Variants in CCR2 observed in about 807,000 individuals in gnomAD.
CCR2 encodes C-C chemokine receptor type 2.
For synonymous variants in CCR2, 183 were observed against 177.1 expected, an observed-to-expected ratio of 1.03 and a Z score of -0.27; for missense variants, 408 against 440.0, an observed-to-expected ratio of 0.93 and a Z score of 0.65.
Position 46,358,215 on chromosome 3 carries a change from C to A in CCR2, c.688C>A (p.Leu230Ile), listed in dbSNP as rs758002439. ...CTACTCGGGAATCCTGAAAACCCTGCTTCGGTGTCGAAACGAGAAGAAGAG... is the reference window on the plus strand; with the variant it reads ...CTACTCGGGAATCCTGAAAACCCTGATTCGGTGTCGAAACGAGAAGAAGAG... ...ICYSGILKTL[L>I]RCRNEKKRHR... The change falls in exon 2 of 2, where the codon CTT becomes ATT. Residue 230 changes from leucine to isoleucine, a missense_variant. Leu to Ile is a conservative substitution (Grantham distance 5, BLOSUM62 2). Coordinates refer to ENST00000445132, the MANE Select transcript of CCR2 (RefSeq NM_001123396.4). The A allele has an allele frequency of 3.7e-6, 6 of 1,614,084 alleles. No homozygotes were observed. The African/African-American group carries it at 8.0e-5, about 22-fold the overall frequency.
At chr3:46,355,744 T>A (rs1701440569) in intron 1 of CCR2, among the ~76,000 whole-genome samples, 1 of 152,164 alleles carries the variant, frequency 6.6e-6, no homozygotes, top group Non-Finnish European at 1.5e-5. Context: ...GACATGATAA[T>A]AATACAGGGC....
rs761283584 is a variant in CCR2 at position 46,358,554 on chromosome 3, G to C, written c.1027G>C (p.Val343Leu). 4 of 1,609,468 alleles carry C rather than the reference G, an allele frequency of 2.5e-6. No homozygotes were observed. In the Admixed American group the frequency reaches 6.8e-5, roughly 27 times the overall value. The change falls in exon 2 of 2, where the codon GTG (valine) becomes CTG (leucine). Residue 343 changes from valine (V) to leucine (L), a missense_variant. Coordinates refer to ENST00000445132, the MANE Select transcript of CCR2 (RefSeq NM_001123396.4). ...TTTCTACAGGGAGACAGTGGATGGA[G>C]TGACTTCAACAAACACGCCTTCCAC... Reference protein sequence around the residue: ...PVFYRETVDGVTSTNTPSTGE... With the variant: ...PVFYRETVDGLTSTNTPSTGE...
chr3:46,359,974 G>C lies in CCR2; in HGVS notation c.*1364G>C, dbSNP rs1335938883. 4 of 1,002,032 alleles carry C rather than the reference G, an allele frequency of 4.0e-6. No homozygotes were observed. The highest frequency in any genetic ancestry group is 5.9e-6 in the Non-Finnish European group (4 of 680,096). 62.1% of individuals were successfully genotyped at this position (1,002,032 alleles called of 1,614,324 possible). A position where few individuals can be genotyped will look rare whatever the true frequency, so the allele number is the denominator to read the frequency against. On this transcript the variant is annotated 3_prime_UTR_variant, in exon 2 of 2. Transcript: ENST00000445132. Reference sequence around the variant, plus strand: ...ACCAGGCAGGAAGGCTGAGAGGAGAGAGACTCCAGCTGGGTTGGAAAACAG... The same window carrying C: ...ACCAGGCAGGAAGGCTGAGAGGAGACAGACTCCAGCTGGGTTGGAAAACAG...
chr3:46,357,341 A>G (rs919433893), intron 1 of CCR2, 136 bp from the exon 2 acceptor site: 5 of 628,508 alleles, frequency 8.0e-6, no homozygotes, highest in Non-Finnish European at 1.4e-5. Flanking sequence ...AGGAACTGGC[A>G]CACATGCTTT....
At position 46,358,590 on chromosome 3, in the gene CCR2, G is replaced by A. The variant is rs1419839617; in HGVS notation, c.1063G>A (p.Glu355Lys). Residue 355 changes from glutamate (E) to lysine (K), a missense_variant, in exon 2 of 2, where the codon GAA becomes AAA. Glu to Lys is a moderately conservative substitution (Grantham distance 56). Transcript: ENST00000445132. The stretch of plus-strand genomic sequence containing the variant: ...AAACACGCCTTCCACTGGGGAGCAG[G>A]AAGTCTCGGCTGGTTTATAAAACGA... Reference protein sequence around the residue: ...STNTPSTGEQEVSAGL With the variant: ...STNTPSTGEQKVSAGL The A allele has an allele frequency of 6.3e-7, 1 of 1,587,122 alleles. No homozygotes were observed. The highest frequency in any genetic ancestry group is 8.6e-7 in the Non-Finnish European group (1 of 1,165,010).
chr3:46,358,161 G>C lies in CCR2; in HGVS notation c.634G>C (p.Val212Leu), dbSNP rs773018725. 1 of 1,614,140 alleles carries C rather than the reference G, an allele frequency of 6.2e-7. No individual in the cohort carries two copies. The highest frequency in any genetic ancestry group is 8.5e-7 in the Non-Finnish European group (1 of 1,180,020). Residue 212 changes from valine (V) to leucine (L), a missense_variant, in exon 2 of 2, where the codon GTC becomes CTC. Transcript: ENST00000445132. ...HTIMRNILGL[V>L]LPLLIMVICY... ...AATAATGAGGAACATTTTGGGGCTGGTCCTGCCGCTGCTCATCATGGTCAT... is the reference window on the plus strand; with the variant it reads ...AATAATGAGGAACATTTTGGGGCTGCTCCTGCCGCTGCTCATCATGGTCAT...
In CCR2 at chr3:46,354,150, A is replaced by G. The variant is rs1701409330; in HGVS notation, c.-79A>G. 6.6e-6 allele frequency: 1 copy of G among 152,156 alleles called. No homozygotes were observed. The highest frequency in any genetic ancestry group is 1.5e-5 in the Non-Finnish European group (1 of 68,026). The allele number at this position is 152,156 out of a possible 1,614,324, so 9.4% of individuals were successfully genotyped here. On this transcript the variant is annotated 5_prime_UTR_variant, in exon 1 of 2. Transcript: ENST00000445132. ...CAGTTGCTGAGAAGCCTGACATACC[A>G]GGACTGCCTGAGACAAGCCACAAGC...
intron 1 of CCR2, among the ~76,000 whole-genome samples, chr3:46,356,367 G>A (rs1199878459): frequency 2.6e-5 from 4 of 152,130 alleles, no homozygotes; most frequent in Non-Finnish European, 5.9e-5. Flanking sequence ...GTGTGGGCAC[G>A]GGGAGGAGAT....
At position 46,359,786 on chromosome 3, in the gene CCR2, C is replaced by T; in HGVS notation, c.*1176C>T. ...TGTGAAAGTGACTACACAAGGACTC[C>T]TCGATGGTCGTGGAAAAGGAAAGTC... is the stretch of plus-strand genomic sequence containing the variant. On this transcript the variant is annotated 3_prime_UTR_variant, in exon 2 of 2. Transcript: ENST00000445132. The T allele has an allele frequency of 1.9e-6, 3 of 1,614,140 alleles. No individual in the cohort carries two copies. Among genetic ancestry groups the T allele is most frequent in the South Asian group, 1.1e-5 (1 of 91,086 alleles).
intron 1 of CCR2, among the ~76,000 whole-genome samples, chr3:46,355,352 T>A (rs977286069): frequency 6.6e-6 from 1 of 151,902 alleles, no homozygotes; most frequent in Non-Finnish European, 1.5e-5. Context: ...CACTGAAGCA[T>A]GAAGGAAATG....
At position 46,358,646 on chromosome 3, in the gene CCR2, G is replaced by A; in HGVS notation, c.*36G>A. ...AGTTTGATTGTTGTTTATAAAGGGAGATAACAATCTGTATATAACAACAAA... is the reference window on the plus strand; with the variant it reads ...AGTTTGATTGTTGTTTATAAAGGGAAATAACAATCTGTATATAACAACAAA... On this transcript the variant is annotated 3_prime_UTR_variant, in exon 2 of 2. Coordinates refer to ENST00000445132, the MANE Select transcript of CCR2 (RefSeq NM_001123396.4). The A allele has an allele frequency of 6.5e-7, 1 of 1,539,800 alleles. No homozygotes were observed. Among genetic ancestry groups the A allele is most frequent in the Non-Finnish European group, 8.8e-7 (1 of 1,140,734 alleles).
chr3:46,355,100 G>A (rs1701428046), intron 1 of CCR2: 1 of 152,282 alleles, frequency 6.6e-6, no homozygotes, highest in Non-Finnish European at 1.5e-5. Context: ...CCTTTAGCCA[G>A]GTACTATCAT....
rs753412036 is a variant in CCR2 at position 46,358,537 on chromosome 3, G to A, written c.1010G>A (p.Arg337Lys). 4.3e-6 allele frequency: 7 copies of A among 1,611,944 alleles called. No homozygotes were observed. The South Asian group carries it at 7.7e-5, about 18-fold the overall frequency. Residue 337 changes from arginine to lysine, a missense_variant, in exon 2 of 2, where the codon AGG becomes AAG. Transcript: ENST00000445132. ...RFCKQCPVFY[R>K]ETVDGVTSTN... ...TGCAAACAATGTCCAGTTTTCTACA[G>A]GGAGACAGTGGATGGAGTGACTTCA...
Position 46,360,113 on chromosome 3 carries a change from TAA to T in CCR2, c.*1505_*1506del, listed in dbSNP as rs1701526379. ...TGAAAACTGCAACTTGTAAATGTGGTAAAGAGTTAGTTTGAGTTACTATCATG... is the reference window on the plus strand; with the variant it reads ...TGAAAACTGCAACTTGTAAATGTGGTAGAGTTAGTTTGAGTTACTATCATG... On this transcript the variant is annotated 3_prime_UTR_variant, in exon 2 of 2. Coordinates refer to ENST00000445132, the MANE Select transcript of CCR2 (RefSeq NM_001123396.4). 2.3e-6 allele frequency: 1 copy of T among 435,400 alleles called. No homozygotes were observed. Among genetic ancestry groups the T allele is most frequent in the African/African-American group, 2.1e-5 (1 of 48,270 alleles). The allele number at this position is 435,400 out of a possible 1,614,324, so 27.0% of individuals were successfully genotyped here. A position where few individuals can be genotyped will look rare whatever the true frequency, so the allele number is the denominator to read the frequency against.
chr3:46,359,090 G>C lies in CCR2; in HGVS notation c.*480G>C, dbSNP rs375566416. 5.7e-5 allele frequency: 58 copies of C among 1,011,596 alleles called. No homozygotes were observed. The African/African-American group carries it at 9.6e-4, about 17-fold the overall frequency. The allele number at this position is 1,011,596 out of a possible 1,614,324, so 62.7% of individuals were successfully genotyped here. ...GGTGAGCAAAGGGCTCACGCATTCA[G>C]CCAGGAGATGATACTGGTCCTTAGC... is the stretch of plus-strand genomic sequence containing the variant. On this transcript the variant is annotated 3_prime_UTR_variant, in exon 2 of 2. Coordinates refer to ENST00000445132, the MANE Select transcript of CCR2 (RefSeq NM_001123396.4).
Position 46,358,361 on chromosome 3 carries a change from A to G in CCR2, c.834A>G (p.Glu278=). 6.2e-7 allele frequency: 1 copy of G among 1,614,172 alleles called. No homozygotes were observed. The highest frequency in any genetic ancestry group is 1.1e-5 in the South Asian group (1 of 91,080). Reference sequence around the variant, plus strand: ...AATTCTTCGGCCTGAGTAACTGTGAAAGCACCAGTCAACTGGACCAAGCCA... The same window carrying G: ...AATTCTTCGGCCTGAGTAACTGTGAGAGCACCAGTCAACTGGACCAAGCCA... The part of the protein sequence containing the change: ...FQEFFGLSNC[E]STSQLDQATQ... Residue 278 remains glutamate (E), a synonymous_variant, in exon 2 of 2, where the codon GAA becomes GAG. Coordinates refer to ENST00000445132, the MANE Select transcript of CCR2 (RefSeq NM_001123396.4).
rs900126553 is a variant in CCR2, at chr3:46,359,968, A to C, written c.*1358A>C. On this transcript the variant is annotated 3_prime_UTR_variant, in exon 2 of 2. Coordinates refer to ENST00000445132, the MANE Select transcript of CCR2 (RefSeq NM_001123396.4). ...TACGTTACCAGGCAGGAAGGCTGAG[A>C]GGAGAGAGACTCCAGCTGGGTTGGA... 4 of 1,085,094 alleles carry C rather than the reference A, an allele frequency of 3.7e-6. No individual in the cohort carries two copies. The highest frequency in any genetic ancestry group is 5.3e-5 in the Admixed American group (2 of 37,870). 67.2% of individuals were successfully genotyped at this position (1,085,094 alleles called of 1,614,324 possible).
chr3:46,355,811 T>G (rs1701441329), intron 1 of CCR2, among the ~76,000 whole-genome samples: 1 of 152,218 alleles, frequency 6.6e-6, no homozygotes, highest in Admixed American at 6.5e-5. Flanking sequence ...TCACAGCAAC[T>G]CAGCATAGTT....
intron 1 of CCR2, among the ~76,000 whole-genome samples, chr3:46,354,525 T>A (rs942753961): frequency 2.0e-5 from 3 of 152,146 alleles, no homozygotes; most frequent in African/African-American, 7.2e-5. Flanking sequence ...TATAGGACCA[T>A]CCAAGCTCTG....
Sources: allele counts gnomAD v4.1 joint callset (sites outside exome capture counted in the v4.1 genomes callset), GRCh38; gene constraint gnomAD v4.1.1; transcripts MANE v1.5; gene names NCBI Gene and HGNC (gene_info 2026-07-23, HGNC 2026-07-21).